Variants in ZNF131 observed in about 807,000 individuals in gnomAD.
ZNF131 encodes zinc finger protein 131.
A neutral mutation model predicts 60.0 loss-of-function variants in ZNF131; 7 were observed. The observed-to-expected ratio is 0.12, with a 90% CI of 0.07 to 0.22. The LOEUF (loss-of-function observed/expected upper bound fraction) is 0.22, where lower values mean the gene tolerates loss of function less well. Among genes scored for constraint, ZNF131 ranks in the 10% least tolerant of loss-of-function variants. The pLI, the probability that ZNF131 is intolerant of heterozygous loss-of-function variation, is 1.00. For synonymous variants in ZNF131, 257 were observed against 253.2 expected, an observed-to-expected ratio of 1.01 and a Z score of -0.14; for missense variants, 493 against 740.9, an observed-to-expected ratio of 0.67 and a Z score of 3.88.
At chr5:43,157,916 TCTTC>T (rs2111869954) in intron 4 of ZNF131, among the ~76,000 whole-genome samples, 1 of 152,374 alleles carries the variant, frequency 6.6e-6, no homozygotes, top group South Asian at 2.1e-4. Context: ...CCAGGTTTCT[TCTTC>T]CTTGTAGAGA....
intron 3 of ZNF131, among the ~76,000 whole-genome samples, chr5:43,138,136 C>T (rs563370215): frequency 3.3e-5 from 5 of 152,068 alleles, no homozygotes; most frequent in Admixed American, 6.6e-5. Flanking sequence ...GTTTCAATTG[C>T]GCAAGATGAA....
intron 3 of ZNF131, chr5:43,124,630 ACAAAG>A (rs1337669265): frequency 2.0e-4 from 30 of 152,328 alleles, no homozygotes; most frequent in Non-Finnish European, 1.5e-5. Flanking sequence ...GGTTTCTACT[ACAAAG>A]CAAGCCTCCA....
chr5:43,164,797 TTAAG>T (rs1750143943), intron 5 of ZNF131, among the ~76,000 whole-genome samples: 1 of 152,198 alleles, frequency 6.6e-6, no homozygotes, highest in African/African-American at 2.4e-5. Flanking sequence ...GATAAGTAAT[TTAAG>T]TAGTTGTTAT....
intron 4 of ZNF131, among the ~76,000 whole-genome samples, chr5:43,146,552 G>A (rs34302880): frequency 0.097 from 14,759 of 151,960 alleles, 848 homozygotes; most frequent in East Asian, 0.19. Flanking sequence ...CCGAGATTGC[G>A]CCACTGCACT....
At chr5:43,122,243 C>G in intron 2 of ZNF131, 66 bp downstream of exon 2, 1 of 1,466,486 alleles carries the variant, frequency 6.8e-7, no homozygotes, top group East Asian at 2.4e-5. Flanking sequence ...TTCGGACACC[C>G]GCCTTTTTTT....
At chr5:43,131,051 G>A (rs1055156690) in intron 3 of ZNF131, among the ~76,000 whole-genome samples, 5 of 151,506 alleles carry the variant, frequency 3.3e-5, no homozygotes, top group African/African-American at 1.2e-4. Flanking sequence ...TTTTAATAGA[G>A]ATGGGGTTTC....
rs1461352773 is a variant in ZNF131 at position 43,175,050 on chromosome 5, G to T, written c.1789G>T (p.Asp597Tyr). The change falls in exon 7 of 7, where the codon GAT becomes TAT. Residue 597 changes from aspartate to tyrosine, a missense_variant. By Grantham distance (160) the Asp-to-Tyr change is radical. This residue lies in a region of ZNF131 where 202 missense variants were observed against 221.3 expected (regional missense o/e 0.91). Transcript: ENST00000682664. ...CAGGGAAGATCACGAAGATGCTGAG[G>T]ATTTAGAGACCAAGCCAACAGTGGA... ...AAREDHEDAE[D>Y]LETKPTVDSE... 1 of 1,614,174 alleles carries T rather than the reference G, an allele frequency of 6.2e-7. No individual in the cohort carries two copies. The highest frequency in any genetic ancestry group is 1.7e-5 in the Admixed American group (1 of 60,014).
chr5:43,153,773 G>C (rs914768322), intron 4 of ZNF131, among the ~76,000 whole-genome samples: 3 of 152,112 alleles, frequency 2.0e-5, no homozygotes, highest in Admixed American at 1.3e-4. Flanking sequence ...CCCTTTCTAG[G>C]GACAGCTAAA....
chr5:43,125,635 C>T (rs974298184), intron 3 of ZNF131, among the ~76,000 whole-genome samples: 7 of 151,768 alleles, frequency 4.6e-5, no homozygotes, highest in Non-Finnish European at 7.4e-5. Flanking sequence ...ATAAAATTAG[C>T]CGGGCGTGGT....
intron 3 of ZNF131, among the ~76,000 whole-genome samples, chr5:43,129,235 C>T (rs1212864278): frequency 2.0e-5 from 3 of 152,070 alleles, no homozygotes; most frequent in East Asian, 3.9e-4. Context: ...CATGCCCAGC[C>T]TAGTTTTTGT....
At chr5:43,141,413 C>G (rs1199243186) in intron 4 of ZNF131, among the ~76,000 whole-genome samples, 1 of 152,116 alleles carries the variant, frequency 6.6e-6, no homozygotes, top group Non-Finnish European at 1.5e-5. Context: ...AAAGAATGTT[C>G]TCTGTGGCCC....
chr5:43,130,633 C>A (rs930377607), intron 3 of ZNF131, among the ~76,000 whole-genome samples: 1 of 151,780 alleles, frequency 6.6e-6, no homozygotes, highest in Non-Finnish European at 1.5e-5. Context: ...GGTGTGATCT[C>A]GGCTCACCGC....
At chr5:43,132,418 C>T (rs1351584488) in intron 3 of ZNF131, among the ~76,000 whole-genome samples, 1 of 151,548 alleles carries the variant, frequency 6.6e-6, no homozygotes, top group Non-Finnish European at 1.5e-5. Flanking sequence ...TTTGCTGAGG[C>T]TCAGAGGTTC....
At chr5:43,165,373 G>T (rs1750224818) in intron 5 of ZNF131, among the ~76,000 whole-genome samples, 1 of 152,006 alleles carries the variant, frequency 6.6e-6, no homozygotes, top group Non-Finnish European at 1.5e-5. Context: ...ATGCATCTCT[G>T]GTGTGGCCTT....
rs1377189237 is a variant in ZNF131, at chr5:43,150,122, A to G, written c.371+10813A>G. On this transcript the variant is annotated intron_variant, in intron 4 of 6. Transcript: ENST00000682664. Reference sequence around the variant, plus strand: ...TGGCCTAGGTGTGTACCGTGCTCACAGTTGTTTGCATCACAGTTGAGGAAT... The same window carrying G: ...TGGCCTAGGTGTGTACCGTGCTCACGGTTGTTTGCATCACAGTTGAGGAAT... 2.6e-5 allele frequency among the ~76,000 whole-genome samples: 4 copies of G among 152,338 alleles called. No homozygotes were observed. In the East Asian group the frequency reaches 7.7e-4, roughly 29 times the overall value.
chr5:43,138,175 C>T (rs115544239), intron 3 of ZNF131, among the ~76,000 whole-genome samples: 216 of 152,210 alleles, frequency 1.4e-3, no homozygotes, highest in African/African-American at 5.2e-3. Context: ...AACATTGTAC[C>T]TAGAGTCAAC....
rs570313526 is a variant in ZNF131 at position 43,130,264 on chromosome 5, C to CAAAAAAAAAAAAAAAAAA, written c.226+6955_226+6972dup. On this transcript the variant is annotated intron_variant, in intron 3 of 6. Transcript: ENST00000682664. ...GAGCGATAGAGTAAGACTCTGTCTC[C>CAAAAAAAAAAAAAAAAAA]AAAAAAAAAAAAAAAAAAGAGGAAA... Among the ~76,000 whole-genome samples, 2 of 68,386 alleles carry CAAAAAAAAAAAAAAAAAA rather than the reference C, an allele frequency of 2.9e-5. 1 individual carries two copies. The highest frequency in any genetic ancestry group is 1.2e-4 in the African/African-American group (2 of 17,016). The allele number at this position is 68,386 out of a possible 152,430, so 44.9% of individuals were successfully genotyped here. A position where few individuals can be genotyped will look rare whatever the true frequency, so the allele number is the denominator to read the frequency against.
rs1204796474 is a variant in ZNF131, at chr5:43,130,305, C to CTGAGAGAT, written c.226+6996_226+7003dup. Among the ~76,000 whole-genome samples, 3 of 132,774 alleles carry CTGAGAGAT rather than the reference C, an allele frequency of 2.3e-5. No individual in the cohort carries two copies. The East Asian group carries it at 7.2e-4, about 32-fold the overall frequency. 87.1% of individuals were successfully genotyped at this position (132,774 alleles called of 152,430 possible). A position where few individuals can be genotyped will look rare whatever the true frequency, so the allele number is the denominator to read the frequency against. ...AAAGAGGAAAGTAGAGGCAATGTAGCTGAGAGATAATAAGACAGAATCAAA... is the reference window on the plus strand; with the variant it reads ...AAAGAGGAAAGTAGAGGCAATGTAGCTGAGAGATTGAGAGATAATAAGACAGAATCAAA... On this transcript the variant is annotated intron_variant, in intron 3 of 6. Coordinates refer to ENST00000682664, the MANE Select transcript of ZNF131 (RefSeq NM_001330707.2).
intron 3 of ZNF131, among the ~76,000 whole-genome samples, chr5:43,127,661 T>G (rs1384954052): frequency 6.6e-6 from 1 of 151,420 alleles, no homozygotes; most frequent in African/African-American, 2.4e-5. Flanking sequence ...ATGTTTTCTG[T>G]GTTCCTGGTT....
Sources: gnomAD v4.1 joint callset for allele counts (sites outside exome capture counted in the v4.1 genomes callset) on GRCh38, gnomAD v4.1.1 for gene constraint, gnomAD v4.1.1 regional missense constraint, MANE v1.5 for transcripts, NCBI Gene and HGNC (gene_info 2026-07-23, HGNC 2026-07-21) for gene names.